STON2: variants seen among roughly 807,000 people sequenced by gnomAD.
STON2 encodes the protein stonin 2.
In STON2, 29 loss-of-function variants were observed where a neutral mutation model predicts 65.7. That is an observed-to-expected ratio of 0.44 (90% CI 0.33 to 0.60). The LOEUF (loss-of-function observed/expected upper bound fraction) is 0.60, where lower values mean the gene tolerates loss of function less well. Among genes scored for constraint, STON2 ranks in the 20% least tolerant of loss-of-function variants. The pLI is 0.03. For synonymous variants in STON2, 404 were observed against 414.2 expected (o/e 0.98, Z 0.30); for missense variants, 1,054 against 1,118.1 (o/e 0.94, Z 0.82).
chr14:81,287,710 A>G, intron 5 of STON2, among the ~76,000 whole-genome samples: 1 of 152,074 alleles, frequency 6.6e-6, no homozygotes, highest in Non-Finnish European at 1.5e-5. Context: ...GGTGACCAAG[A>G]ATATCTTTTC....
At chr14:81,420,702 G>C (rs937236078) in intron 2 of STON2, among the ~76,000 whole-genome samples, 1 of 152,158 alleles carries the variant, frequency 6.6e-6, no homozygotes, top group Non-Finnish European at 1.5e-5. Context: ...TGTGAGGCAG[G>C]GGTCACTGGT....
chr14:81,378,507 T>A (rs907174381), intron 3 of STON2, among the ~76,000 whole-genome samples: 18 of 152,360 alleles, frequency 1.2e-4, no homozygotes, highest in East Asian at 9.6e-4. Context: ...TGAGCCACTG[T>A]GCCTGGCCTG....
Position 81,261,667 on chromosome 14 carries a change from T to C in STON2, c.*6747A>G. ...TTATACAAAATGACAAATATATATA[T>C]ACCTCATTGATTATCCTATCATCCC... On this transcript the variant is annotated 3_prime_UTR_variant, in exon 8 of 8. Coordinates refer to ENST00000614646, the MANE Select transcript of STON2 (RefSeq NM_001394390.1). 5.2e-6 allele frequency: 5 copies of C among 962,514 alleles called. No individual in the cohort carries two copies. Among genetic ancestry groups the C allele is most frequent in the Non-Finnish European group, 7.1e-6 (5 of 703,790 alleles). The allele number at this position is 962,514 out of a possible 1,614,324, so 59.6% of individuals were successfully genotyped here.
At chr14:81,422,330 T>G (rs1469106530) in intron 2 of STON2, among the ~76,000 whole-genome samples, 1 of 152,168 alleles carries the variant, frequency 6.6e-6, no homozygotes, top group Non-Finnish European at 1.5e-5. Context: ...ATGTGATCTC[T>G]GCACACCTGG....
At chr14:81,286,022 C>A (rs1177546209) in intron 5 of STON2, among the ~76,000 whole-genome samples, 1 of 115,570 alleles carries the variant, frequency 8.7e-6, no homozygotes, top group Non-Finnish European at 2.0e-5. Flanking sequence ...GTGGCGGGCA[C>A]CTGTAGTCCC....
rs1350670450 is a variant in STON2 at position 81,276,865 on chromosome 14, T to C, written c.2581+36A>G. 5 of 1,581,502 alleles carry C rather than the reference T, an allele frequency of 3.2e-6. No individual in the cohort carries two copies. The African/African-American group carries it at 6.8e-5, about 21-fold the overall frequency. On this transcript the variant is annotated intron_variant, in intron 6 of 7. Coordinates refer to ENST00000614646, the MANE Select transcript of STON2 (RefSeq NM_001394390.1). ...TTTGATCTCAGCTTTTTCACAACTG[T>C]ATGTTTGTTTTCACAGAAGAGGAAC...
chr14:81,394,049 G>A (rs1269941207), intron 3 of STON2, among the ~76,000 whole-genome samples: 1 of 152,140 alleles, frequency 6.6e-6, no homozygotes, highest in Non-Finnish European at 1.5e-5. Context: ...AAATTAGCCA[G>A]GCATGGTGAT....
chr14:81,387,312 G>A (rs1899861093), intron 3 of STON2, among the ~76,000 whole-genome samples: 2 of 152,050 alleles, frequency 1.3e-5, no homozygotes, highest in Admixed American at 6.5e-5. Context: ...TCAAATGGGA[G>A]ATGTGAACAG....
In STON2 at chr14:81,263,174, G is replaced by C. The variant is rs956286578; in HGVS notation, c.*5240C>G. 52 of 985,106 alleles carry C rather than the reference G, an allele frequency of 5.3e-5. No individual in the cohort carries two copies. The highest frequency in any genetic ancestry group is 5.8e-5 in the Non-Finnish European group (48 of 829,770). The allele number at this position is 985,106 out of a possible 1,614,324, so 61.0% of individuals were successfully genotyped here. A position where few individuals can be genotyped will look rare whatever the true frequency, so the allele number is the denominator to read the frequency against. ...GCATTCTGGACATGACCTAAGGCTA[G>C]CTTGTCCAACCCTTGGCCCATGATG... On this transcript the variant is annotated 3_prime_UTR_variant, in exon 8 of 8. Coordinates refer to ENST00000614646, the MANE Select transcript of STON2 (RefSeq NM_001394390.1).
At chr14:81,384,905 C>A (rs1256907975) in intron 3 of STON2, among the ~76,000 whole-genome samples, 2 of 152,076 alleles carry the variant, frequency 1.3e-5, no homozygotes, top group South Asian at 2.1e-4. Flanking sequence ...GATCTAACTC[C>A]ATTCTTTTAT....
intron 3 of STON2, among the ~76,000 whole-genome samples, chr14:81,388,086 A>C (rs1258723006): frequency 6.7e-6 from 1 of 150,312 alleles, no homozygotes; most frequent in Non-Finnish European, 1.5e-5. Context: ...AGTAGCTGAG[A>C]CTACAGGCAC....
At position 81,263,937 on chromosome 14, in the gene STON2, C is replaced by T; in HGVS notation, c.*4477G>A. ...CTTTATCTCACAAATTTTGACCTTA[C>T]TATCTCAGACCTCCATCTTACTGTG... On this transcript the variant is annotated 3_prime_UTR_variant, in exon 8 of 8. Transcript: ENST00000614646. 1 of 985,432 alleles carries T rather than the reference C, an allele frequency of 1.0e-6. No homozygotes were observed. The highest frequency in any genetic ancestry group is 1.2e-6 in the Non-Finnish European group (1 of 829,934). 61.0% of individuals were successfully genotyped at this position (985,432 alleles called of 1,614,324 possible).
intron 5 of STON2, among the ~76,000 whole-genome samples, chr14:81,301,537 C>T (rs1241860312): frequency 6.6e-6 from 1 of 152,152 alleles, no homozygotes; most frequent in Non-Finnish European, 1.5e-5. Context: ...AGTAATTCTG[C>T]CTGGGATAGT....
intron 4 of STON2, among the ~76,000 whole-genome samples, chr14:81,352,650 G>A (rs1443698199): frequency 2.0e-5 from 3 of 152,152 alleles, no homozygotes; most frequent in African/African-American, 7.2e-5. Context: ...TAACTAACGT[G>A]TGACTCTGGC....
chr14:81,413,349 T>C, intron 2 of STON2: 10 of 839,572 alleles, frequency 1.2e-5, no homozygotes, highest in Non-Finnish European at 1.7e-5. Context: ...AACACCTCGA[T>C]GTTCGAACCT....
rs1894228809 is a variant in STON2 at position 81,263,451 on chromosome 14, T to A, written c.*4963A>T. Among the ~76,000 whole-genome samples the A allele has an allele frequency of 7.3e-6, 1 of 136,936 alleles. No homozygotes were observed. Among genetic ancestry groups the A allele is most frequent in the African/African-American group, 2.7e-5 (1 of 36,450 alleles). 89.8% of individuals were successfully genotyped at this position (136,936 alleles called of 152,430 possible). A position where few individuals can be genotyped will look rare whatever the true frequency, so the allele number is the denominator to read the frequency against. ...TACTCGGGAGGTTGAGGCAGGAGAA[T>A]CACTTGAACCCGGGAGGCGGAGGTT... On this transcript the variant is annotated 3_prime_UTR_variant, in exon 8 of 8. Coordinates refer to ENST00000614646, the MANE Select transcript of STON2 (RefSeq NM_001394390.1).
At chr14:81,295,644 G>C (rs1228214606) in intron 5 of STON2, among the ~76,000 whole-genome samples, 1 of 152,186 alleles carries the variant, frequency 6.6e-6, no homozygotes, top group African/African-American at 2.4e-5. Context: ...ACTGTCCTTA[G>C]GGCCATAGAG....
chr14:81,287,715 C>A (rs796359758), intron 5 of STON2, among the ~76,000 whole-genome samples: 6 of 152,274 alleles, frequency 3.9e-5, no homozygotes, highest in African/African-American at 1.4e-4. Flanking sequence ...CCAAGAATAT[C>A]TTTTCTCTCT....
chr14:81,324,388 T>A (rs1396201605), intron 4 of STON2, among the ~76,000 whole-genome samples: 1 of 152,244 alleles, frequency 6.6e-6, no homozygotes, highest in East Asian at 1.9e-4. Context: ...CATGGGTACT[T>A]AGGGAGGCAA....
Sources: allele counts gnomAD v4.1 joint callset (sites outside exome capture counted in the v4.1 genomes callset), GRCh38; gene constraint gnomAD v4.1.1; transcripts MANE v1.5; gene names NCBI Gene and HGNC (gene_info 2026-07-23, HGNC 2026-07-21).